ZHX3: variants seen among roughly 807,000 people sequenced by gnomAD.
ZHX3 encodes zinc fingers and homeoboxes 3.
A neutral mutation model predicts 64.5 loss-of-function variants in ZHX3; 20 were observed. The observed-to-expected ratio is 0.31, with a 90% confidence interval of 0.22 to 0.45. ZHX3 has a LOEUF of 0.45. Ranked by LOEUF, ZHX3 falls within the 20% of genes least tolerant of loss-of-function variation. The pLI, the probability that ZHX3 is intolerant of heterozygous loss-of-function variation, is 1.00. For synonymous variants in ZHX3, 423 were observed against 461.6 expected (o/e 0.92, Z 1.07); for missense variants, 1,041 against 1,195.8 (o/e 0.87, Z 1.91).
chr20:41,268,755 A>C (rs1305442508), intron 2 of ZHX3, among the ~76,000 whole-genome samples: 1 of 152,244 alleles, frequency 6.6e-6, no homozygotes, highest in Non-Finnish European at 1.5e-5. Context: ...CAGATGATCA[A>C]AGAAATCATC....
intron 1 of ZHX3, among the ~76,000 whole-genome samples, chr20:41,270,906 T>A (rs2043112664): frequency 6.6e-6 from 1 of 152,170 alleles, no homozygotes; most frequent in Admixed American, 6.5e-5. Context: ...TTAAACCTCA[T>A]CTTTGCTTAT....
intron 2 of ZHX3, among the ~76,000 whole-genome samples, chr20:41,230,516 T>A (rs1224957793): frequency 6.6e-6 from 1 of 152,222 alleles, no homozygotes; most frequent in East Asian, 1.9e-4. Flanking sequence ...ACTGAGTATC[T>A]GAAATGTGGC....
chr20:41,298,500 A>G (rs1402645638), intron 1 of ZHX3, among the ~76,000 whole-genome samples: 1 of 152,240 alleles, frequency 6.6e-6, no homozygotes, highest in East Asian at 1.9e-4. Context: ...CCTAGGGCTT[A>G]AAAGCCTTTG....
At chr20:41,252,447 G>A (rs2042035764) in intron 2 of ZHX3, among the ~76,000 whole-genome samples, 1 of 152,162 alleles carries the variant, frequency 6.6e-6, no homozygotes, top group South Asian at 2.1e-4. Flanking sequence ...ATGTGAGTAC[G>A]TCTTAGTCCC....
At chr20:41,240,396 T>A (rs2041300374) in intron 2 of ZHX3, among the ~76,000 whole-genome samples, 1 of 152,206 alleles carries the variant, frequency 6.6e-6, no homozygotes, top group African/African-American at 2.4e-5. Context: ...ACCCCTTTTT[T>A]AATGTTTATT....
intron 1 of ZHX3, chr20:41,290,352 C>G (rs1206663159): frequency 1.3e-5 from 2 of 152,364 alleles, no homozygotes; most frequent in Non-Finnish European, 2.9e-5. Context: ...CACTACTGAT[C>G]TGCATGAGAG....
Position 41,204,508 on chromosome 20 carries a change from T to G in ZHX3, c.409A>C (p.Ser137Arg). 1 of 1,614,210 alleles carries G rather than the reference T, an allele frequency of 6.2e-7. No homozygotes were observed. Residue 137 changes from serine to arginine, a missense_variant, in exon 3 of 4, where the codon AGC (serine) becomes CGC (arginine). Physicochemically the swap from Ser to Arg is moderately radical, Grantham distance 110. This residue lies in a region of ZHX3 where 358 missense variants were observed against 369.1 expected (regional missense o/e 0.97). Transcript: ENST00000683867. This position sits in a 1 kb window ranked among gnomAD's most constrained non-coding sequence, Gnocchi z 6.6. ...HNATCHSGEA[S>R]FVWNVAKPDN... is the part of the protein sequence containing the mutation. Reference sequence around the variant, plus strand: ...GGCTTGGCCACGTTCCACACAAAGCTGGCTTCCCCGGAGTGACATGTGGCA... The same window carrying G: ...GGCTTGGCCACGTTCCACACAAAGCGGGCTTCCCCGGAGTGACATGTGGCA...
chr20:41,274,940 T>C (rs2043310614), intron 1 of ZHX3, among the ~76,000 whole-genome samples: 1 of 152,144 alleles, frequency 6.6e-6, no homozygotes, highest in Non-Finnish European at 1.5e-5. Context: ...GTGGATCAAC[T>C]GGGGTCAGAA....
chr20:41,315,347 T>A (rs963654054), intron 1 of ZHX3, among the ~76,000 whole-genome samples: 4 of 36,112 alleles, frequency 1.1e-4, no homozygotes, highest in Non-Finnish European at 1.8e-4. Context: ...CAGGCCTGGC[T>A]TTTTTTTTTT....
At chr20:41,192,468 C>G (rs1049848444) in intron 3 of ZHX3, among the ~76,000 whole-genome samples, 2 of 152,224 alleles carry the variant, frequency 1.3e-5, no homozygotes, top group African/African-American at 4.8e-5. Flanking sequence ...CATTGGAGAG[C>G]ACAGGGTTGC....
intron 1 of ZHX3, among the ~76,000 whole-genome samples, chr20:41,273,260 G>A (rs1052670622): frequency 3.9e-5 from 6 of 152,042 alleles, no homozygotes; most frequent in Middle Eastern, 3.4e-3. Context: ...AGAGTTTTTC[G>A]TTTTGTTTTG....
At chr20:41,299,085 T>C (rs1204631577) in intron 1 of ZHX3, among the ~76,000 whole-genome samples, 1 of 152,158 alleles carries the variant, frequency 6.6e-6, no homozygotes, top group Non-Finnish European at 1.5e-5. Context: ...ATAAACATAA[T>C]TGGGAATCAA....
intron 1 of ZHX3, among the ~76,000 whole-genome samples, chr20:41,276,124 G>A (rs934336614): frequency 1.3e-5 from 2 of 152,162 alleles, no homozygotes; most frequent in Admixed American, 6.5e-5. Flanking sequence ...CAAACCCAGA[G>A]CTGAGAATTC....
chr20:41,286,661 T>A (rs989629954), intron 1 of ZHX3, among the ~76,000 whole-genome samples: 1 of 152,196 alleles, frequency 6.6e-6, no homozygotes, highest in African/African-American at 2.4e-5. Flanking sequence ...TGATCTATCT[T>A]CCCCACTCCC....
chr20:41,248,706 C>G (rs1432198376), intron 2 of ZHX3, among the ~76,000 whole-genome samples: 2 of 152,180 alleles, frequency 1.3e-5, no homozygotes, highest in African/African-American at 4.8e-5. Flanking sequence ...AAGCTCCCTC[C>G]TCTGTGGAAT....
rs1037785260 is a variant in ZHX3, at chr20:41,250,476, G to A, written c.-151+18514C>T. Reference sequence around the variant, plus strand: ...AGATGGTTTAATCATTTGAGGCCAGGAGTTCGAGACCAACCTGGGCAACAT... The same window carrying A: ...AGATGGTTTAATCATTTGAGGCCAGAAGTTCGAGACCAACCTGGGCAACAT... On this transcript the variant is annotated intron_variant, in intron 2 of 3. Coordinates refer to ENST00000683867, the MANE Select transcript of ZHX3 (RefSeq NM_001384317.1). Among the ~76,000 whole-genome samples, 9 of 152,180 alleles carry A rather than the reference G, an allele frequency of 5.9e-5. 1 individual carries two copies. Among genetic ancestry groups the A allele is most frequent in the Admixed American group, 5.2e-4 (8 of 15,282 alleles).
At chr20:41,221,031 G>C (rs2039910410) in intron 2 of ZHX3, among the ~76,000 whole-genome samples, 1 of 152,086 alleles carries the variant, frequency 6.6e-6, no homozygotes, top group African/African-American at 2.4e-5. Flanking sequence ...TGGAAAAAAA[G>C]AATCATGTTC....
At chr20:41,243,727 C>A (rs964038431) in intron 2 of ZHX3, among the ~76,000 whole-genome samples, 2 of 152,132 alleles carry the variant, frequency 1.3e-5, no homozygotes, top group Admixed American at 1.3e-4. Flanking sequence ...TCCTCATAAT[C>A]AAGCTCTTAC....
chr20:41,257,062 G>T (rs2042296321), intron 2 of ZHX3, among the ~76,000 whole-genome samples: 1 of 152,042 alleles, frequency 6.6e-6, no homozygotes, highest in Non-Finnish European at 1.5e-5. Flanking sequence ...TCTGTGTATA[G>T]TGCTTCAGGT....
Sources: allele counts gnomAD v4.1 joint callset (sites outside exome capture counted in the v4.1 genomes callset), GRCh38; gene constraint gnomAD v4.1.1; regional missense constraint gnomAD v4.1.1; non-coding constraint Gnocchi (gnomAD v3.1); transcripts MANE v1.5; gene names NCBI Gene and HGNC (gene_info 2026-07-23, HGNC 2026-07-21).